MFHAS1: variants seen among roughly 807,000 people sequenced by gnomAD.
MFHAS1 encodes the protein multifunctional ROCO family signaling regulator 1, also known as malignant fibrous histiocytoma-amplified sequence 1.
MFHAS1 carries 50 observed loss-of-function variants against 70.4 expected under a neutral mutation model. That is an observed-to-expected ratio of 0.71 (90% confidence interval 0.57 to 0.90). The LOEUF (loss-of-function observed/expected upper bound fraction) is 0.90. MFHAS1 is among the 40% of genes least tolerant of loss of function. The pLI, the probability that MFHAS1 is intolerant of heterozygous loss-of-function variation, is 0.00. For synonymous variants in MFHAS1, 952 were observed against 620.0 expected (o/e 1.54, Z -7.96); for missense variants, 1,795 against 1,347.6 (o/e 1.33, Z -5.20).
In MFHAS1 at chr8:8,891,051, G is replaced by A; in HGVS notation, c.2008C>T (p.His670Tyr). ...PRSWQVLEEL[H>Y]FQPPQAQRLW... ...CGCTGGGCCTGAGGTGGCTGGAAAT[G>A]CAGTTCCTCCAGCACCTGCCAGGAT... Residue 670 changes from histidine to tyrosine, a missense_variant, in exon 1 of 3, where the codon CAT becomes TAT. His to Tyr is a moderately conservative substitution (Grantham distance 83). Coordinates refer to ENST00000276282, the MANE Select transcript of MFHAS1 (RefSeq NM_004225.3). This position sits in a 1 kb window ranked among gnomAD's most constrained non-coding sequence, Gnocchi z 5.4. 1 of 1,613,656 alleles carries A rather than the reference G, an allele frequency of 6.2e-7. No homozygotes were observed. Among genetic ancestry groups the A allele is most frequent in the Non-Finnish European group, 8.5e-7 (1 of 1,179,874 alleles).
At chr8:8,839,108 G>T (rs929027737) in intron 1 of MFHAS1, among the ~76,000 whole-genome samples, 5 of 151,846 alleles carry the variant, frequency 3.3e-5, no homozygotes, top group African/African-American at 1.2e-4. Flanking sequence ...ATTTCCTGCA[G>T]GAACTATCTA....
chr8:8,877,025 C>T (rs928949020), intron 1 of MFHAS1, among the ~76,000 whole-genome samples: 1 of 151,830 alleles, frequency 6.6e-6, no homozygotes, highest in Admixed American at 6.6e-5. Context: ...CAGGGCTGGG[C>T]GCAGTGGCAC....
intron 2 of MFHAS1, among the ~76,000 whole-genome samples, chr8:8,787,089 T>TA (rs1215417334): frequency 1.1e-4 from 17 of 151,842 alleles, no homozygotes; most frequent in African/African-American, 4.1e-4. Flanking sequence ...ATTATTATTT[T>TA]TTTTTTTTTG....
At chr8:8,887,475 A>C (rs1809805329) in intron 1 of MFHAS1, among the ~76,000 whole-genome samples, 1 of 151,634 alleles carries the variant, frequency 6.6e-6, no homozygotes, top group Non-Finnish European at 1.5e-5. Flanking sequence ...GCTACTTTTG[A>C]AAAACAACAC....
intron 1 of MFHAS1, among the ~76,000 whole-genome samples, chr8:8,838,589 G>A (rs190088175): frequency 5.9e-5 from 9 of 152,150 alleles, no homozygotes; most frequent in African/African-American, 2.2e-4. Context: ...GAGGCGGGCG[G>A]ATCACCTGAG....
chr8:8,802,420 A>G (rs1330624196), intron 1 of MFHAS1, among the ~76,000 whole-genome samples: 1 of 152,176 alleles, frequency 6.6e-6, no homozygotes, highest in African/African-American at 2.4e-5. Context: ...TCACGAGAAG[A>G]TTCTCTAAAG....
intron 1 of MFHAS1, among the ~76,000 whole-genome samples, chr8:8,809,532 G>A (rs575009315): frequency 6.6e-6 from 1 of 152,104 alleles, no homozygotes; most frequent in African/African-American, 2.4e-5. Context: ...CCACTCACTC[G>A]TCCCACCACG....
intron 1 of MFHAS1, among the ~76,000 whole-genome samples, chr8:8,808,117 T>C (rs571922806): frequency 1.3e-5 from 2 of 152,254 alleles, no homozygotes; most frequent in South Asian, 4.2e-4. Context: ...GTCCCCACAC[T>C]GTAGACGCTC....
At chr8:8,854,898 G>C (rs1456989379) in intron 1 of MFHAS1, among the ~76,000 whole-genome samples, 8 of 151,790 alleles carry the variant, frequency 5.3e-5, no homozygotes, top group Admixed American at 5.2e-4. Flanking sequence ...TTGGGTTTTT[G>C]GGGTTTTGTT....
At chr8:8,857,795 C>G (rs1054567530) in intron 1 of MFHAS1, among the ~76,000 whole-genome samples, 40 of 152,062 alleles carry the variant, frequency 2.6e-4, no homozygotes, top group African/African-American at 9.6e-4. Flanking sequence ...TGTTTGTAAA[C>G]TCAGTAGATA....
intron 1 of MFHAS1, among the ~76,000 whole-genome samples, chr8:8,865,945 G>A (rs1338505576): frequency 4.6e-5 from 7 of 152,178 alleles, no homozygotes; most frequent in African/African-American, 1.7e-4. Flanking sequence ...CCTTGTTCAG[G>A]CGGCTTGGCC....
At chr8:8,809,636 C>T (rs1233526256) in intron 1 of MFHAS1, among the ~76,000 whole-genome samples, 1 of 152,180 alleles carries the variant, frequency 6.6e-6, no homozygotes, top group Non-Finnish European at 1.5e-5. Context: ...ACTATTTCCC[C>T]TTTTCCTGCT....
intron 1 of MFHAS1, among the ~76,000 whole-genome samples, chr8:8,845,964 G>C (rs983791091): frequency 6.6e-6 from 1 of 151,954 alleles, no homozygotes; most frequent in Non-Finnish European, 1.5e-5. Context: ...AACAGATCTA[G>C]AAAATGGGCC....
intron 1 of MFHAS1, 35 bp downstream of exon 1, chr8:8,890,026 A>G (rs1233576249): frequency 2.7e-6 from 4 of 1,493,396 alleles, no homozygotes; most frequent in South Asian, 2.6e-5. Flanking sequence ...ATCTTACAGC[A>G]TACCACAGAA....
At chr8:8,869,071 G>C (rs1231264766) in intron 1 of MFHAS1, among the ~76,000 whole-genome samples, 1 of 152,138 alleles carries the variant, frequency 6.6e-6, no homozygotes, top group East Asian at 1.9e-4. Flanking sequence ...GGAGGAGGAG[G>C]AAGGCAAAAA....
At chr8:8,794,126 T>G (rs11778330) in intron 2 of MFHAS1, among the ~76,000 whole-genome samples, 30,714 of 151,254 alleles carry the variant, frequency 0.2, 3,388 homozygotes, top group African/African-American at 0.27. Flanking sequence ...GGAGGTGGAG[T>G]TTGCAATGAG....
chr8:8,892,501 C>T lies in MFHAS1; in HGVS notation c.558G>A (p.Leu186=). ...SLSCLSRLRT[L]DVDHNQLTAF... ...CAGTGAGCTGGTTGTGATCCACGTC[C>T]AGGGTGCGCAGGCGGGAGAGGCAGG... Residue 186 remains leucine (L), a synonymous_variant, in exon 1 of 3, where the codon CTG becomes CTA. Transcript: ENST00000276282. This position sits in a 1 kb window ranked among gnomAD's most constrained non-coding sequence, Gnocchi z 4.7. 12 of 1,603,948 alleles carry T rather than the reference C, an allele frequency of 7.5e-6. No homozygotes were observed. The highest frequency in any genetic ancestry group is 1.0e-5 in the Non-Finnish European group (12 of 1,175,302).
chr8:8,799,454 GCTTCAAAGTA>G (rs1195369101), intron 1 of MFHAS1, among the ~76,000 whole-genome samples: 3 of 152,168 alleles, frequency 2.0e-5, no homozygotes, highest in Non-Finnish European at 2.9e-5. Context: ...AAATTCCTTT[GCTTCAAAGTA>G]CTGTATTTCT....
At position 8,892,049 on chromosome 8, in the gene MFHAS1, G is replaced by C. The variant is rs539248533; in HGVS notation, c.1010C>G (p.Ser337Cys). 2.5e-6 allele frequency: 4 copies of C among 1,613,420 alleles called. No homozygotes were observed. Among genetic ancestry groups the C allele is most frequent in the African/African-American group, 1.3e-5 (1 of 74,992 alleles). ...CTCCAGGCCGGTCAGCTCCACGATG[G>C]AGTCCGGCAGGTAGCGGATGCGGTT... ...DNNRIRYLPD[S>C]IVELTGLEEL... The change falls in exon 1 of 3, where the codon TCC (serine) becomes TGC (cysteine). Residue 337 changes from serine to cysteine, a missense_variant. Transcript: ENST00000276282. This position sits in a 1 kb window ranked among gnomAD's most constrained non-coding sequence, Gnocchi z 4.7.
Sources: allele counts gnomAD v4.1 joint callset (sites outside exome capture counted in the v4.1 genomes callset), GRCh38; gene constraint gnomAD v4.1.1; non-coding constraint Gnocchi (gnomAD v3.1); transcripts MANE v1.5; gene names NCBI Gene and HGNC (gene_info 2026-07-23, HGNC 2026-07-21).